The following ABCC4 variants were observed in gnomAD, a reference collection of about 807,000 sequenced individuals.
The protein encoded by ABCC4 is ATP-binding cassette sub-family C member 4.
Under a neutral mutation model 168.5 loss-of-function variants are expected in ABCC4, and 102 were observed. That is an observed-to-expected ratio of 0.61 (90% CI 0.52 to 0.71). The LOEUF is 0.71. Ranked by LOEUF, ABCC4 falls within the 30% of genes least tolerant of loss-of-function variation. ABCC4 has a pLI of 0.00. For missense variants in ABCC4, 1,402 were observed against 1,605.8 expected (o/e 0.87, Z 2.17); for synonymous variants, 617 against 590.7 (o/e 1.04, Z -0.65).
chr13:95,242,131 A>G (rs16950829), intron 3 of ABCC4, among the ~76,000 whole-genome samples: 3,300 of 152,310 alleles, frequency 0.022, 62 homozygotes, highest in Middle Eastern at 0.041. Flanking sequence ...AGCTTCCACT[A>G]TCCAAAATAC....
At chr13:95,226,777 G>A (rs2039478298) in intron 4 of ABCC4, among the ~76,000 whole-genome samples, 2 of 152,158 alleles carry the variant, frequency 1.3e-5, no homozygotes, top group Non-Finnish European at 2.9e-5. Flanking sequence ...AGACCAGATG[G>A]TAGGACACTC....
intron 1 of ABCC4, among the ~76,000 whole-genome samples, chr13:95,265,862 A>G (rs534568129): frequency 6.6e-6 from 1 of 152,218 alleles, no homozygotes; most frequent in Non-Finnish European, 1.5e-5. Flanking sequence ...TACCCAAGGC[A>G]GACTTAGATA....
Position 95,226,221 on chromosome 13 carries a change from T to C in ABCC4, c.531+8389A>G, listed in dbSNP as rs540402800. 2.6e-5 allele frequency among the ~76,000 whole-genome samples: 4 copies of C among 151,754 alleles called. No individual in the cohort carries two copies. In the South Asian group the frequency reaches 8.3e-4, roughly 32 times the overall value. ...CAAGATGCATAACCCAACAGTTTCC[T>C]GTAAAACTTGAAAAGCTGATTCTAA... On this transcript the variant is annotated intron_variant, in intron 4 of 30. Coordinates refer to ENST00000645237, the MANE Select transcript of ABCC4 (RefSeq NM_005845.5).
At chr13:95,261,658 CAG>C (rs1250823190) in intron 1 of ABCC4, among the ~76,000 whole-genome samples, 1 of 152,032 alleles carries the variant, frequency 6.6e-6, no homozygotes, top group Non-Finnish European at 1.5e-5. Flanking sequence ...ACCTTATATA[CAG>C]AGTTTTACAC....
rs149894987 is a variant in ABCC4, at chr13:95,146,576, A to C, written c.2455+14613T>G. Among the ~76,000 whole-genome samples, 27 of 152,304 alleles carry C rather than the reference A, an allele frequency of 1.8e-4. No homozygotes were observed. In the East Asian group the frequency reaches 5.2e-3, roughly 29 times the overall value. ...GATTTATGGCAATCATTTAATTTTC[A>C]ATTACAGGCATCACATCCCTGCGGT... On this transcript the variant is annotated intron_variant, in intron 19 of 30. Coordinates refer to ENST00000645237, the MANE Select transcript of ABCC4 (RefSeq NM_005845.5).
At chr13:95,218,115 A>G (rs1370856709) in intron 4 of ABCC4, among the ~76,000 whole-genome samples, 2 of 152,184 alleles carry the variant, frequency 1.3e-5, no homozygotes, top group Non-Finnish European at 2.9e-5. Flanking sequence ...TCATGACCCT[A>G]CCCCAGAGTT....
At chr13:95,115,807 T>C in intron 20 of ABCC4, 115 bp downstream of exon 20, 2 of 805,892 alleles carry the variant, frequency 2.5e-6, no homozygotes, top group South Asian at 3.4e-5. Context: ...CTTTATTAAG[T>C]TAACATTACA....
At chr13:95,206,855 C>T in intron 7 of ABCC4, 74 bp from the exon 8 acceptor site, 1 of 1,528,498 alleles carries the variant, frequency 6.5e-7, no homozygotes. Context: ...GCAATCTCAG[C>T]ACTTTGGGAG....
Position 95,161,324 on chromosome 13 carries a change from C to A in ABCC4, c.2320G>T (p.Ala774Ser). The A allele has an allele frequency of 2.5e-6, 4 of 1,584,092 alleles. No homozygotes were observed. The highest frequency in any genetic ancestry group is 3.4e-6 in the Non-Finnish European group (4 of 1,169,916). The change falls in exon 19 of 31, where the codon GCT becomes TCT. Residue 774 changes from alanine (A) to serine (S), a missense_variant. Ala to Ser is a moderately conservative substitution (Grantham distance 99). Coordinates refer to ENST00000645237, the MANE Select transcript of ABCC4 (RefSeq NM_005845.5). Reference protein sequence around the residue: ...YLGIYSGLTVATVLFGIARSL... With the variant: ...YLGIYSGLTVSTVLFGIARSL... ...CTTGCTATGCCAAAAAGAACGGTAG[C>A]TACAGTTAAACCTGAAATAAAGAAA...
At chr13:95,167,560 T>C (rs2037324363) in intron 14 of ABCC4, among the ~76,000 whole-genome samples, 1 of 152,180 alleles carries the variant, frequency 6.6e-6, no homozygotes, top group African/African-American at 2.4e-5. Flanking sequence ...TTGGGCCCTT[T>C]GGACCAGTTT....
intron 19 of ABCC4, among the ~76,000 whole-genome samples, chr13:95,125,283 C>T (rs891223392): frequency 6.6e-6 from 1 of 152,106 alleles, no homozygotes; most frequent in Non-Finnish European, 1.5e-5. Context: ...TAAAAATTAG[C>T]CAATAAATTT....
In ABCC4 at chr13:95,198,807, AG is replaced by A. The variant is rs544635785; in HGVS notation, c.1162-3871del. ...AAAAGGATGAGTTCATGTCCTTTAC[AG>A]GGACATGGATGAAGCTGGAAACCAT... On this transcript the variant is annotated intron_variant, in intron 8 of 30. Coordinates refer to ENST00000645237, the MANE Select transcript of ABCC4 (RefSeq NM_005845.5). 3.0e-3 allele frequency among the ~76,000 whole-genome samples: 454 copies of A among 152,348 alleles called. 5 individuals are homozygous for A. Among genetic ancestry groups the A allele is most frequent in the African/African-American group, 0.01 (435 of 41,584 alleles).
intron 11 of ABCC4, 78 bp downstream of exon 11, chr13:95,186,623 T>A (rs1047108979): frequency 2.9e-6 from 4 of 1,383,754 alleles, no homozygotes; most frequent in African/African-American, 2.9e-5. Context: ...TAAAAAAAAG[T>A]TAATAAACCT....
intron 1 of ABCC4, among the ~76,000 whole-genome samples, chr13:95,252,524 A>C (rs546011608): frequency 1.4e-4 from 22 of 152,102 alleles, no homozygotes; most frequent in African/African-American, 5.3e-4. Flanking sequence ...AAAATACAAA[A>C]ATTACCCAGG....
intron 19 of ABCC4, among the ~76,000 whole-genome samples, chr13:95,155,321 TG>T (rs1239981975): frequency 6.6e-6 from 1 of 152,088 alleles, no homozygotes; most frequent in African/African-American, 2.4e-5. Context: ...CCCGAGCTGC[TG>T]GGACTACAAC....
At chr13:95,264,945 T>C (rs2138861770) in intron 1 of ABCC4, among the ~76,000 whole-genome samples, 1 of 149,592 alleles carries the variant, frequency 6.7e-6, no homozygotes, top group South Asian at 2.1e-4. Flanking sequence ...CTCAGCTCAC[T>C]GCAACTTCCG....
chr13:95,249,129 G>A (rs1159848803), intron 1 of ABCC4, among the ~76,000 whole-genome samples: 1 of 151,996 alleles, frequency 6.6e-6, no homozygotes, highest in African/African-American at 2.4e-5. Flanking sequence ...GCTGAGGTGG[G>A]AGGATGGACT....
chr13:95,025,361 CA>C (rs2031451275), intron 30 of ABCC4, among the ~76,000 whole-genome samples: 1 of 34,644 alleles, frequency 2.9e-5, no homozygotes, highest in Non-Finnish European at 5.6e-5. Context: ...CACCCCCACA[CA>C]CACCCACACC....
At chr13:95,053,437 A>C (rs1392277171) in intron 26 of ABCC4, among the ~76,000 whole-genome samples, 2 of 152,208 alleles carry the variant, frequency 1.3e-5, no homozygotes, top group Non-Finnish European at 2.9e-5. Flanking sequence ...AAAATGAAAA[A>C]TACAGGCCTG....
Sources: gnomAD v4.1 joint callset for allele counts (sites outside exome capture counted in the v4.1 genomes callset) on GRCh38, gnomAD v4.1.1 for gene constraint, MANE v1.5 for transcripts, NCBI Gene and HGNC (gene_info 2026-07-23, HGNC 2026-07-21) for gene names.